LUZP2: variants seen among roughly 807,000 people sequenced by gnomAD.
LUZP2 encodes the protein leucine zipper protein 2.
In LUZP2, 52 loss-of-function variants were observed where a neutral mutation model predicts 51.6. The ratio of observed to expected loss-of-function variants is 1.01; its 90% CI spans 0.81 to 1.27. The LOEUF (loss-of-function observed/expected upper bound fraction) is 1.27. Among genes scored for constraint, LUZP2 ranks in the 50% most tolerant of loss-of-function variants. The probability of loss-of-function intolerance (pLI) is 0.00; values close to 1 mark genes in which losing one functional copy is unlikely to be tolerated. For missense variants in LUZP2, 436 were observed against 395.4 expected (o/e 1.10, Z -0.87); for synonymous variants, 154 against 137.3 (o/e 1.12, Z -0.85).
intron 1 of LUZP2, among the ~76,000 whole-genome samples, chr11:24,597,957 C>G (rs926036464): frequency 6.6e-6 from 1 of 151,892 alleles, no homozygotes; most frequent in Admixed American, 6.6e-5. Flanking sequence ...AAAAATTAGC[C>G]GGGTGTGATG....
chr11:24,785,279 C>T (rs1452656066), intron 5 of LUZP2, among the ~76,000 whole-genome samples: 1 of 151,966 alleles, frequency 6.6e-6, no homozygotes, highest in African/African-American at 2.4e-5. Context: ...GGAATTACTA[C>T]ACTCTAAGTT....
intron 9 of LUZP2, among the ~76,000 whole-genome samples, chr11:25,043,963 T>C (rs567970433): frequency 1.3e-3 from 108 of 84,798 alleles, no homozygotes; most frequent in African/African-American, 4.5e-3. Flanking sequence ...ATATATATAG[T>C]CCATATATAT....
chr11:24,608,577 T>A lies in LUZP2; in HGVS notation c.62+111272T>A, dbSNP rs374560523. Reference sequence around the variant, plus strand: ...AGTAAGAAGAAAAAGTTAAGATTTTTAGAGTTAGGGCATGAACTGCTTCTC... The same window carrying A: ...AGTAAGAAGAAAAAGTTAAGATTTTAAGAGTTAGGGCATGAACTGCTTCTC... On this transcript the variant is annotated intron_variant, in intron 1 of 11. Coordinates refer to ENST00000336930, the MANE Select transcript of LUZP2 (RefSeq NM_001009909.4). Among the ~76,000 whole-genome samples the A allele has an allele frequency of 3.9e-5, 6 of 152,260 alleles. No individual in the cohort carries two copies. The East Asian group carries it at 7.7e-4, about 20-fold the overall frequency.
intron 1 of LUZP2, among the ~76,000 whole-genome samples, chr11:24,640,105 A>G (rs1855230040): frequency 1.3e-5 from 2 of 151,804 alleles, no homozygotes; most frequent in South Asian, 2.1e-4. Context: ...TGACATCTGT[A>G]TTTCAAAGAG....
chr11:25,004,500 A>T (rs1856780412), intron 9 of LUZP2, among the ~76,000 whole-genome samples: 3 of 152,102 alleles, frequency 2.0e-5, no homozygotes, highest in South Asian at 4.1e-4. Context: ...GATTTTGTTC[A>T]GGGCCCAGGG....
At chr11:24,853,220 C>T (rs1178715934) in intron 5 of LUZP2, among the ~76,000 whole-genome samples, 1 of 152,080 alleles carries the variant, frequency 6.6e-6, no homozygotes, top group African/African-American at 2.4e-5. Flanking sequence ...CCAGTTTTTC[C>T]TTTCCATATT....
At chr11:24,523,737 A>G (rs1008205770) in intron 1 of LUZP2, among the ~76,000 whole-genome samples, 2 of 151,642 alleles carry the variant, frequency 1.3e-5, no homozygotes, top group Non-Finnish European at 3.0e-5. Flanking sequence ...TAAAGACTCA[A>G]TGATCTTGGC....
intron 5 of LUZP2, among the ~76,000 whole-genome samples, chr11:24,880,345 A>G (rs1244400086): frequency 8.2e-6 from 1 of 122,130 alleles, no homozygotes; most frequent in African/African-American, 2.8e-5. Flanking sequence ...GGCATTGGTA[A>G]TTCAACACTG....
intron 5 of LUZP2, among the ~76,000 whole-genome samples, chr11:24,876,237 C>T (rs1405639882): frequency 6.8e-6 from 1 of 147,054 alleles, no homozygotes; most frequent in East Asian, 2.1e-4. Flanking sequence ...TTAGGTCTAA[C>T]ATTTAAGTCT....
intron 1 of LUZP2, among the ~76,000 whole-genome samples, chr11:24,682,546 T>C (rs1856770710): frequency 6.9e-6 from 1 of 144,208 alleles, no homozygotes; most frequent in Non-Finnish European, 1.5e-5. Flanking sequence ...TGTGTATATG[T>C]ATATATACAC....
chr11:25,009,739 A>C (rs570307330), intron 9 of LUZP2, among the ~76,000 whole-genome samples: 1 of 152,228 alleles, frequency 6.6e-6, no homozygotes, highest in African/African-American at 2.4e-5. Flanking sequence ...TTTAAGAGTC[A>C]AGTATTTAAG....
At chr11:25,036,570 A>G (rs932027235) in intron 9 of LUZP2, among the ~76,000 whole-genome samples, 9 of 151,530 alleles carry the variant, frequency 5.9e-5, no homozygotes, top group African/African-American at 2.2e-4. Flanking sequence ...TTAGATTGCT[A>G]ATTTGAGATT....
chr11:24,719,421 G>C (rs1021262), intron 1 of LUZP2, among the ~76,000 whole-genome samples: 53,658 of 151,988 alleles, frequency 0.35, 9,883 homozygotes, highest in Non-Finnish European at 0.41. Flanking sequence ...GTCAGTCTTA[G>C]TGCTGACCAA....
chr11:24,599,112 C>T (rs889729499), intron 1 of LUZP2, among the ~76,000 whole-genome samples: 10 of 152,070 alleles, frequency 6.6e-5, no homozygotes, highest in African/African-American at 2.4e-4. Flanking sequence ...CTGAACCTCC[C>T]TTGGAGCTAG....
rs1854600414 is a variant in LUZP2 at position 24,936,833 on chromosome 11, A to G, written c.522+22295A>G. On this transcript the variant is annotated intron_variant, in intron 7 of 11. Coordinates refer to ENST00000336930, the MANE Select transcript of LUZP2 (RefSeq NM_001009909.4). ...AACCAACACATATTTTTAATTTTTC[A>G]TTCCAATTTCATAATCTCAACTCTT... Among the ~76,000 whole-genome samples the G allele has an allele frequency of 2.0e-5, 3 of 152,150 alleles. No individual in the cohort carries two copies. The South Asian group carries it at 6.2e-4, about 31-fold the overall frequency.
intron 1 of LUZP2, among the ~76,000 whole-genome samples, chr11:24,600,191 A>ACG (rs34540579): frequency 0.016 from 2,228 of 142,978 alleles, 25 homozygotes; most frequent in South Asian, 0.022. Flanking sequence ...ACACACACAC[A>ACG]CACACACACA....
intron 10 of LUZP2, among the ~76,000 whole-genome samples, chr11:25,050,953 C>CT (rs564594279): frequency 1.3e-5 from 2 of 152,028 alleles, no homozygotes; most frequent in Non-Finnish European, 2.9e-5. Context: ...TTTTTTTGAA[C>CT]TTTGGCAAAA....
chr11:24,573,214 T>C (rs2133804570), intron 1 of LUZP2, among the ~76,000 whole-genome samples: 1 of 152,164 alleles, frequency 6.6e-6, no homozygotes, highest in South Asian at 2.1e-4. Context: ...TCATATTTTG[T>C]AAATGCTCAT....
At chr11:24,515,883 C>T (rs1194804107) in intron 1 of LUZP2, among the ~76,000 whole-genome samples, 3 of 152,106 alleles carry the variant, frequency 2.0e-5, no homozygotes, top group Non-Finnish European at 4.4e-5. Flanking sequence ...CTGCTGGGAC[C>T]ACTTCCTTGC....
Sources: gnomAD v4.1 joint callset for allele counts (sites outside exome capture counted in the v4.1 genomes callset) on GRCh38, gnomAD v4.1.1 for gene constraint, MANE v1.5 for transcripts, NCBI Gene and HGNC (gene_info 2026-07-23, HGNC 2026-07-21) for gene names.